YEATS2: variants seen among roughly 807,000 people sequenced by gnomAD.
The protein encoded by YEATS2 is YEATS domain containing 2.
Under a neutral mutation model 163.2 loss-of-function variants are expected in YEATS2, and 77 were observed. The ratio of observed to expected loss-of-function variants is 0.47; its 90% CI spans 0.39 to 0.57. The LOEUF (loss-of-function observed/expected upper bound fraction) is 0.57. Ranked by LOEUF, YEATS2 falls within the 20% of genes least tolerant of loss-of-function variation. YEATS2 has a pLI of 0.00. For synonymous variants in YEATS2, 631 were observed against 645.1 expected, an observed-to-expected ratio of 0.98 and a Z score of 0.33; for missense variants, 1,549 against 1,729.8, an observed-to-expected ratio of 0.90 and a Z score of 1.85.
intron 25 of YEATS2, chr3:183,803,002 T>A: frequency 2.0e-6 from 1 of 501,140 alleles, no homozygotes; most frequent in South Asian, 2.4e-5. Context: ...ACTTTAATAG[T>A]CTATGGCAGT....
chr3:183,701,765 A>G (rs1325711057), intron 1 of YEATS2, among the ~76,000 whole-genome samples: 2 of 152,192 alleles, frequency 1.3e-5, no homozygotes, highest in Non-Finnish European at 2.9e-5. Context: ...TCTCAAATAA[A>G]TTAAAACTTA....
At chr3:183,792,393 G>A (rs1307047526) in intron 21 of YEATS2, among the ~76,000 whole-genome samples, 1 of 152,286 alleles carries the variant, frequency 6.6e-6, no homozygotes, top group East Asian at 1.9e-4. Flanking sequence ...AGAACATGCG[G>A]TGTGTGGTTT....
intron 28 of YEATS2, 156 bp downstream of exon 28, chr3:183,807,248 G>A: frequency 1.4e-6 from 1 of 692,490 alleles, no homozygotes; most frequent in Non-Finnish European, 2.4e-6. Context: ...ACTTCCTTCT[G>A]CCTGGTTGAC....
intron 20 of YEATS2, 118 bp from the exon 21 acceptor site, chr3:183,790,679 T>G: frequency 9.5e-7 from 1 of 1,057,178 alleles, no homozygotes; most frequent in Admixed American, 2.6e-5. Flanking sequence ...ATTTACTAAG[T>G]AGTCATTAAC....
chr3:183,804,278 T>C, intron 27 of YEATS2, 90 bp downstream of exon 27: 1 of 1,503,012 alleles, frequency 6.7e-7, no homozygotes, highest in East Asian at 2.3e-5. Flanking sequence ...AGAGTTGCTG[T>C]AGAGAACGAG....
intron 28 of YEATS2, chr3:183,807,826 A>G: frequency 1.8e-6 from 1 of 544,696 alleles, no homozygotes; most frequent in Admixed American, 3.4e-5. Flanking sequence ...TATTTTAAAT[A>G]TCAGCCAGAA....
intron 1 of YEATS2, among the ~76,000 whole-genome samples, chr3:183,709,777 A>G (rs369862391): frequency 1.3e-5 from 2 of 148,640 alleles, no homozygotes; most frequent in Non-Finnish European, 2.9e-5. Flanking sequence ...TTCCGGGTTC[A>G]CGCCATTCTC....
Position 183,776,092 on chromosome 3 carries a change from A to G in YEATS2, c.2546A>G (p.Tyr849Cys). The G allele has an allele frequency of 6.2e-7, 1 of 1,600,214 alleles. No homozygotes were observed. The highest frequency in any genetic ancestry group is 8.5e-7 in the Non-Finnish European group (1 of 1,173,462). ...GGAGGGATATCTCAGCACCTGACTT[A>G]CACATCTTACATCCTCAAGCAAACT... The part of the protein sequence containing the change: ...GPGGISQHLT[Y>C]TSYILKQTPQ... Residue 849 changes from tyrosine to cysteine, a missense_variant, in exon 18 of 31, where the codon TAC (tyrosine) becomes TGC (cysteine). Coordinates refer to ENST00000305135, the MANE Select transcript of YEATS2 (RefSeq NM_018023.5).
chr3:183,784,919 C>G (rs374155718), intron 19 of YEATS2, among the ~76,000 whole-genome samples: 8 of 151,576 alleles, frequency 5.3e-5, no homozygotes, highest in Non-Finnish European at 1.2e-4. Flanking sequence ...ACTAAAAGTA[C>G]AAAATTAGCC....
At chr3:183,757,660 A>T (rs1720911122) in intron 12 of YEATS2, among the ~76,000 whole-genome samples, 1 of 152,238 alleles carries the variant, frequency 6.6e-6, no homozygotes, top group African/African-American at 2.4e-5. Flanking sequence ...GAAATAGAAG[A>T]TAAATGAAAT....
In YEATS2 at chr3:183,747,724, T is replaced by A; in HGVS notation, c.969+8T>A. 1 of 1,611,742 alleles carries A rather than the reference T, an allele frequency of 6.2e-7. No homozygotes were observed. Among genetic ancestry groups the A allele is most frequent in the Non-Finnish European group, 8.5e-7 (1 of 1,178,308 alleles). ...ACTCTTGGAGCAGAGACGGTAGGTT[T>A]TTTTCCTACAGTATTATCTGGGAAT... On this transcript the variant is annotated splice_region_variant and intron_variant, in intron 9 of 30. Transcript: ENST00000305135.
At chr3:183,748,432 A>G (rs955066611) in intron 9 of YEATS2, among the ~76,000 whole-genome samples, 5 of 150,892 alleles carry the variant, frequency 3.3e-5, no homozygotes, top group African/African-American at 1.2e-4. Context: ...TTGTATTCAT[A>G]GTAGAGACGG....
chr3:183,782,575 C>T (rs1162134235), intron 19 of YEATS2, among the ~76,000 whole-genome samples: 1 of 152,020 alleles, frequency 6.6e-6, no homozygotes, highest in Non-Finnish European at 1.5e-5. Context: ...AGGCGCCTGC[C>T]ACCATGCCCA....
rs756126700 is a variant in YEATS2 at position 183,773,783 on chromosome 3, C to T, written c.2357C>T (p.Thr786Met). The part of the protein sequence containing the change: ...LIPQGAILRA[T>M]NNANLQSGSA... ...CCTCAAGGAGCCATCCTGCGAGCTACGAACAATGCTAGTTAGTGAAACCAT... is the reference window on the plus strand; with the variant it reads ...CCTCAAGGAGCCATCCTGCGAGCTATGAACAATGCTAGTTAGTGAAACCAT... Residue 786 changes from threonine to methionine, a missense_variant, in exon 17 of 31, where the codon ACG becomes ATG. Transcript: ENST00000305135. 4.4e-6 allele frequency: 7 copies of T among 1,606,452 alleles called. No homozygotes were observed. The highest frequency in any genetic ancestry group is 2.2e-5 in the South Asian group (2 of 89,282).
At chr3:183,793,357 T>C in intron 21 of YEATS2, 1 of 1,094,856 alleles carries the variant, frequency 9.1e-7, no homozygotes. Context: ...TCTCTTGATT[T>C]CTACCTCCCT....
chr3:183,727,615 A>G (rs1464802380), intron 6 of YEATS2, among the ~76,000 whole-genome samples: 2 of 152,234 alleles, frequency 1.3e-5, no homozygotes, highest in Non-Finnish European at 2.9e-5. Context: ...CTAGGCATAG[A>G]TGAGCATATA....
intron 24 of YEATS2, 167 bp from the exon 25 acceptor site, chr3:183,801,288 C>CT: frequency 2.0e-6 from 1 of 491,896 alleles, no homozygotes; most frequent in Admixed American, 3.9e-5. Flanking sequence ...AACACCCCTC[C>CT]TTTACAAAGA....
At chr3:183,809,296 T>C (rs1216958079) in intron 30 of YEATS2, 126 bp downstream of exon 30, 7 of 938,302 alleles carry the variant, frequency 7.5e-6, no homozygotes, top group Non-Finnish European at 1.2e-5. Context: ...TAGGACACTC[T>C]TAGAGCCAGA....
intron 1 of YEATS2, among the ~76,000 whole-genome samples, chr3:183,702,440 G>A (rs1714195393): frequency 6.7e-6 from 1 of 150,156 alleles, no homozygotes; most frequent in Non-Finnish European, 1.5e-5. Context: ...GTGAGACACT[G>A]TCTCAAAAAA....
Sources: allele counts gnomAD v4.1 joint callset (sites outside exome capture counted in the v4.1 genomes callset), GRCh38; gene constraint gnomAD v4.1.1; transcripts MANE v1.5; gene names NCBI Gene and HGNC (gene_info 2026-07-23, HGNC 2026-07-21).